Variants in PLXNC1 observed in about 807,000 individuals in gnomAD.
PLXNC1 encodes the protein plexin C1.
In PLXNC1, 75 loss-of-function variants were observed where a neutral mutation model predicts 178.2. The observed-to-expected ratio is 0.42, with a 90% CI of 0.35 to 0.51. PLXNC1 has a LOEUF of 0.51. Among genes scored for constraint, PLXNC1 ranks in the 20% least tolerant of loss-of-function variants. PLXNC1 has a pLI of 0.02. For synonymous variants in PLXNC1, 790 were observed against 779.9 expected (o/e 1.01, Z -0.22); for missense variants, 1,503 against 1,984.4 (o/e 0.76, Z 4.61).
chr12:94,277,977 A>C, intron 21 of PLXNC1: 1 of 456,074 alleles, frequency 2.2e-6, no homozygotes, highest in South Asian at 1.5e-5. Flanking sequence ...GGCAAATCAG[A>C]CATTGCCTCC....
chr12:94,193,859 C>T (rs539124133), intron 4 of PLXNC1, among the ~76,000 whole-genome samples: 13 of 152,134 alleles, frequency 8.5e-5, no homozygotes, highest in East Asian at 7.7e-4. Context: ...ATGGGAAACG[C>T]GGGGGGTGGA....
chr12:94,189,617 T>A (rs1962646926), intron 4 of PLXNC1, among the ~76,000 whole-genome samples: 1 of 151,778 alleles, frequency 6.6e-6, no homozygotes, highest in Non-Finnish European at 1.5e-5. Context: ...GAGGTAGAAG[T>A]TGCAGTGAGC....
intron 8 of PLXNC1, 114 bp downstream of exon 8, chr12:94,226,821 C>G: frequency 2.7e-6 from 2 of 748,898 alleles, no homozygotes; most frequent in South Asian, 1.5e-5. Flanking sequence ...GTCAGGAGTT[C>G]GAGACCAGCC....
intron 5 of PLXNC1, among the ~76,000 whole-genome samples, chr12:94,217,559 C>A (rs1963679688): frequency 6.6e-6 from 1 of 152,202 alleles, no homozygotes; most frequent in African/African-American, 2.4e-5. Flanking sequence ...AGTCTTGAAT[C>A]TTCTACCCAT....
chr12:94,302,608 T>C (rs748002408), intron 28 of PLXNC1, among the ~76,000 whole-genome samples: 9 of 152,202 alleles, frequency 5.9e-5, no homozygotes, highest in Non-Finnish European at 1.0e-4. Flanking sequence ...CACTTAATCC[T>C]CACAAGTACC....
At chr12:94,264,538 T>G (rs559322219) in intron 20 of PLXNC1, among the ~76,000 whole-genome samples, 2 of 152,286 alleles carry the variant, frequency 1.3e-5, no homozygotes, top group South Asian at 2.1e-4. Context: ...GGAGAGGAGA[T>G]AAGGCTGCAA....
chr12:94,249,935 G>GGGTGGGGT (rs1964631410), intron 14 of PLXNC1, among the ~76,000 whole-genome samples: 1 of 131,766 alleles, frequency 7.6e-6, no homozygotes, highest in East Asian at 2.7e-4. Flanking sequence ...CAGTGTGGGG[G>GGGTGGGGT]GGTGGGGGGG....
intron 1 of PLXNC1, among the ~76,000 whole-genome samples, chr12:94,155,339 C>T (rs757210700): frequency 9.2e-5 from 14 of 152,198 alleles, no homozygotes; most frequent in Admixed American, 7.2e-4. Flanking sequence ...TTGGACCCTA[C>T]ACCAGACTTA....
In PLXNC1 at chr12:94,220,114, G is replaced by T. The variant is rs1208988697; in HGVS notation, c.1653G>T (p.Gln551His). The T allele has an allele frequency of 1.2e-6, 2 of 1,614,016 alleles. No individual in the cohort carries two copies. The highest frequency in any genetic ancestry group is 2.2e-5 in the South Asian group (2 of 91,070). Residue 551 changes from glutamine to histidine, a missense_variant, in exon 6 of 31, where the codon CAG becomes CAT. Physicochemically the swap from Gln to His is conservative, Grantham distance 24. Around this residue, in one of 4 missense-constraint regions of PLXNC1, gnomAD observed 615 missense variants for 698.6 expected, o/e 0.88. Coordinates refer to ENST00000258526, the MANE Select transcript of PLXNC1 (RefSeq NM_005761.3). ...SSRELCQNKSQPNRTCTCSIP... is the reference protein window; with the variant it reads ...SSRELCQNKSHPNRTCTCSIP... ...GGGAGCTCTGCCAGAATAAAAGTCA[G>T]CCCAACCGGACCTGCACCTGTAGCA...
At chr12:94,219,815 A>ATTTG (rs1555200395) in intron 5 of PLXNC1, among the ~76,000 whole-genome samples, 2 of 63,216 alleles carry the variant, frequency 3.2e-5, no homozygotes, top group Non-Finnish European at 6.0e-5. Flanking sequence ...TTATTTATTT[A>ATTTG]TTTATTTATT....
intron 27 of PLXNC1, 108 bp downstream of exon 27, chr12:94,298,903 A>C: frequency 1.8e-6 from 2 of 1,083,180 alleles, no homozygotes; most frequent in Non-Finnish European, 2.6e-6. Flanking sequence ...CTATATCAGA[A>C]TCTTTGGGCT....
At chr12:94,249,936 G>T (rs1243894002) in intron 14 of PLXNC1, among the ~76,000 whole-genome samples, 1 of 131,512 alleles carries the variant, frequency 7.6e-6, no homozygotes, top group Non-Finnish European at 1.6e-5. Flanking sequence ...AGTGTGGGGG[G>T]GTGGGGGGGT....
intron 26 of PLXNC1, among the ~76,000 whole-genome samples, chr12:94,298,125 C>A (rs1323114525): frequency 6.6e-6 from 1 of 152,188 alleles, no homozygotes; most frequent in Non-Finnish European, 1.5e-5. Context: ...ACAGCCCAAG[C>A]CTCTTGATTT....
chr12:94,267,290 T>G (rs1206562231), intron 21 of PLXNC1, among the ~76,000 whole-genome samples: 2 of 152,130 alleles, frequency 1.3e-5, no homozygotes, highest in Non-Finnish European at 2.9e-5. Context: ...TGAGGCAACT[T>G]TTGAGGTTTT....
At chr12:94,197,519 C>T (rs529147604) in intron 4 of PLXNC1, among the ~76,000 whole-genome samples, 5 of 152,006 alleles carry the variant, frequency 3.3e-5, no homozygotes, top group African/African-American at 1.2e-4. Flanking sequence ...AGCAAGAAGG[C>T]CCTCACCAGA....
chr12:94,304,757 G>T (rs1968827137), intron 30 of PLXNC1, among the ~76,000 whole-genome samples: 1 of 152,176 alleles, frequency 6.6e-6, no homozygotes, highest in Non-Finnish European at 1.5e-5. Flanking sequence ...GGGAGAGAAG[G>T]GAAGCACGAG....
chr12:94,196,774 C>G (rs931084338), intron 4 of PLXNC1, among the ~76,000 whole-genome samples: 5 of 152,200 alleles, frequency 3.3e-5, no homozygotes, highest in African/African-American at 1.2e-4. Flanking sequence ...ACATTAGACA[C>G]TACCTTGCAC....
chr12:94,172,229 A>C (rs1961872936), intron 2 of PLXNC1, among the ~76,000 whole-genome samples: 1 of 152,200 alleles, frequency 6.6e-6, no homozygotes, highest in African/African-American at 2.4e-5. Context: ...AGGAGAAGAA[A>C]GAGGGCTTGG....
At chr12:94,249,379 C>T (rs369687690) in intron 14 of PLXNC1, among the ~76,000 whole-genome samples, 73 of 152,190 alleles carry the variant, frequency 4.8e-4, no homozygotes, top group South Asian at 4.2e-3. Flanking sequence ...ATTACAGGTG[C>T]GCACCACCAC....
Sources: gnomAD v4.1 joint callset for allele counts (sites outside exome capture counted in the v4.1 genomes callset) on GRCh38, gnomAD v4.1.1 for gene constraint, gnomAD v4.1.1 regional missense constraint, MANE v1.5 for transcripts, NCBI Gene and HGNC (gene_info 2026-07-23, HGNC 2026-07-21) for gene names.